ATP7B: variants seen among roughly 807,000 people sequenced by gnomAD.
The protein encoded by ATP7B is copper-transporting ATPase 2.
ATP7B carries 113 observed loss-of-function variants against 118.9 expected under a neutral mutation model. The observed-to-expected ratio is 0.95, with a 90% CI of 0.82 to 1.11. ATP7B has a LOEUF of 1.11. Ranked by LOEUF, ATP7B falls within the 50% of genes most tolerant of loss-of-function variation. ATP7B has a pLI of 0.00. For synonymous variants in ATP7B, 777 were observed against 727.4 expected, an observed-to-expected ratio of 1.07 and a Z score of -1.10; for missense variants, 1,867 against 1,871.4, an observed-to-expected ratio of 1.00 and a Z score of 0.04.
At chr13:51,943,340 T>C (rs1481752732) in intron 14 of ATP7B, among the ~76,000 whole-genome samples, 1 of 152,152 alleles carries the variant, frequency 6.6e-6, no homozygotes, top group Non-Finnish European at 1.5e-5. Flanking sequence ...AGATTCTCCC[T>C]GAAATGTCAG....
intron 2 of ATP7B, among the ~76,000 whole-genome samples, chr13:51,971,042 C>A (rs946841608): frequency 6.6e-6 from 1 of 152,204 alleles, no homozygotes; most frequent in Non-Finnish European, 1.5e-5. Flanking sequence ...CGTAACTTCA[C>A]CTTATCTTTC....
Position 51,950,416 on chromosome 13 carries a change from T to C in ATP7B, c.2448-17A>G. On this transcript the variant is annotated splice_polypyrimidine_tract_variant and intron_variant, in intron 9 of 20. Coordinates refer to ENST00000242839, the MANE Select transcript of ATP7B (RefSeq NM_000053.4). ...TGCTCCTCCCTGCAACAAACGCCAC[T>C]TATCACTCACATGGCCACTCATTCG... 1 of 1,613,632 alleles carries C rather than the reference T, an allele frequency of 6.2e-7. No individual in the cohort carries two copies. The highest frequency in any genetic ancestry group is 8.5e-7 in the Non-Finnish European group (1 of 1,180,032).
rs201925666 is a variant in ATP7B, at chr13:51,965,016, G to A, written c.1725C>T (p.Cys575=). ...ACTCTATGTTGTGGACACAGGACGC[G>A]CAGGTCATCCCTGTGATCTGCAACA... is the stretch of plus-strand genomic sequence containing the variant. The part of the protein sequence containing the change: ...NIELTITGMT[C]ASCVHNIESK... Residue 575 remains cysteine, a synonymous_variant, in exon 5 of 21, where the codon TGC becomes TGT. Coordinates refer to ENST00000242839, the MANE Select transcript of ATP7B (RefSeq NM_000053.4). 14 of 1,613,962 alleles carry A rather than the reference G, an allele frequency of 8.7e-6. No individual in the cohort carries two copies. Among genetic ancestry groups the A allele is most frequent in the South Asian group, 4.4e-5 (4 of 91,080 alleles).
intron 16 of ATP7B, among the ~76,000 whole-genome samples, chr13:51,940,816 A>G (rs1346069584): frequency 6.6e-6 from 1 of 152,084 alleles, no homozygotes; most frequent in Non-Finnish European, 1.5e-5. Context: ...CCTGGACAAG[A>G]GCAATGATGA....
intron 1 of ATP7B, among the ~76,000 whole-genome samples, chr13:52,006,410 A>G (rs1035214342): frequency 6.6e-6 from 1 of 152,204 alleles, no homozygotes; most frequent in Non-Finnish European, 1.5e-5. Context: ...TAAAACGACC[A>G]CTGGCCTCTA....
rs1190008748 is a variant in ATP7B, at chr13:52,007,136, C to G, written c.51+4151G>C. Among the ~76,000 whole-genome samples the G allele has an allele frequency of 5.3e-5, 8 of 152,104 alleles. No individual in the cohort carries two copies. In the East Asian group the frequency reaches 1.5e-3, roughly 29 times the overall value. On this transcript the variant is annotated intron_variant, in intron 1 of 20. Transcript: ENST00000242839. ...CGAGAATCCATTCATTCAAGAACAA[C>G]TGTGGTGCACCTACATGTGGGAAAT...
chr13:51,948,485 T>C (rs1957800189), intron 12 of ATP7B, among the ~76,000 whole-genome samples: 1 of 152,160 alleles, frequency 6.6e-6, no homozygotes, highest in African/African-American at 2.4e-5. Context: ...GGTAAAAACA[T>C]TGTTCCGCTC....
chr13:51,955,137 G>A (rs890401189), intron 9 of ATP7B, among the ~76,000 whole-genome samples: 2 of 152,184 alleles, frequency 1.3e-5, no homozygotes, highest in Admixed American at 6.5e-5. Flanking sequence ...GTCAAAGAGG[G>A]CAGTTATGCG....
At chr13:51,967,570 C>A (rs967483963) in intron 4 of ATP7B, among the ~76,000 whole-genome samples, 1 of 152,204 alleles carries the variant, frequency 6.6e-6, no homozygotes, top group Non-Finnish European at 1.5e-5. Context: ...GCCCTCCAGA[C>A]ACAGGGAGGC....
intron 18 of ATP7B, 27 bp downstream of exon 18, chr13:51,937,449 C>T: frequency 6.2e-7 from 1 of 1,614,150 alleles, no homozygotes; most frequent in Non-Finnish European, 8.5e-7. Context: ...CTCCCAGCAC[C>T]CACAGCCTGG....
intron 12 of ATP7B, 106 bp downstream of exon 12, chr13:51,949,556 T>G (rs1449562759): frequency 6.7e-7 from 1 of 1,503,034 alleles, no homozygotes; most frequent in African/African-American, 1.4e-5. Context: ...AAATAAAATG[T>G]AATGAATAAT....
At chr13:51,948,838 A>G (rs1242516969) in intron 12 of ATP7B, among the ~76,000 whole-genome samples, 1 of 152,184 alleles carries the variant, frequency 6.6e-6, no homozygotes, top group Non-Finnish European at 1.5e-5. Context: ...AAAAATGTAT[A>G]TTCCATTGCC....
At chr13:51,964,129 A>G (rs552509476) in intron 5 of ATP7B, among the ~76,000 whole-genome samples, 35 of 152,194 alleles carry the variant, frequency 2.3e-4, no homozygotes, top group Middle Eastern at 6.8e-3. Context: ...ACACACACAC[A>G]CACACACACA....
Position 51,934,266 on chromosome 13 carries a change from G to C in ATP7B, c.*490C>G, listed in dbSNP as rs1223801590. ...ATGTACGAAGAAAGGAACAGACTAT[G>C]CAGGAAGAAAGCAACAGGCACACCT... On this transcript the variant is annotated 3_prime_UTR_variant, in exon 21 of 21. Coordinates refer to ENST00000242839, the MANE Select transcript of ATP7B (RefSeq NM_000053.4). The C allele has an allele frequency of 4.3e-5, 11 of 255,632 alleles. No homozygotes were observed. Among genetic ancestry groups the C allele is most frequent in the Non-Finnish European group, 7.8e-6 (1 of 127,968 alleles). The allele number at this position is 255,632 out of a possible 1,614,324, so 15.8% of individuals were successfully genotyped here.
In ATP7B at chr13:51,939,095, TCAGAAC is replaced by T. The variant is rs781266802; in HGVS notation, c.3649_3654del (p.Val1217_Leu1218del). 30 of 1,614,086 alleles carry T rather than the reference TCAGAAC, an allele frequency of 1.9e-5. No homozygotes were observed. The highest frequency in any genetic ancestry group is 1.4e-5 in the Non-Finnish European group (16 of 1,180,046). On this transcript the variant is annotated inframe_deletion, in exon 17 of 21. Coordinates refer to ENST00000242839, the MANE Select transcript of ATP7B (RefSeq NM_000053.4). The stretch of plus-strand genomic sequence containing the variant: ...GCTGTCTTCCGGTTGTCCCCCGTGA[TCAGAAC>T]CACGTCCACACCCATGCTCTGCAGC...
At chr13:51,957,438 A>G (rs758299333) in intron 9 of ATP7B, 78 bp downstream of exon 9, 35 of 1,426,090 alleles carry the variant, frequency 2.5e-5, no homozygotes, top group Non-Finnish European at 3.2e-5. Context: ...TGCAATGTCA[A>G]TACAACATGG....
chr13:51,969,594 G>A (rs1424463307), intron 3 of ATP7B, among the ~76,000 whole-genome samples: 1 of 151,918 alleles, frequency 6.6e-6, no homozygotes, highest in East Asian at 1.9e-4. Flanking sequence ...GTTTTACATG[G>A]GAAAAAAAGC....
chr13:51,997,110 C>A (rs901050736), intron 1 of ATP7B, among the ~76,000 whole-genome samples: 1 of 152,206 alleles, frequency 6.6e-6, no homozygotes, highest in African/African-American at 2.4e-5. Context: ...TTCTTCAGGT[C>A]TTGCTTATCT....
rs746525895 is a variant in ATP7B, at chr13:51,934,911, T to A, written c.4243A>T (p.Arg1415Trp). 1 of 1,614,102 alleles carries A rather than the reference T, an allele frequency of 6.2e-7. No homozygotes were observed. The highest frequency in any genetic ancestry group is 8.5e-7 in the Non-Finnish European group (1 of 1,180,036). Residue 1415 changes from arginine to tryptophan, a missense_variant, in exon 21 of 21, where the codon AGG becomes TGG. Transcript: ENST00000242839. ...CTGACCTGGTCCCATGGTGTGGCCC[T>A]GGGGGAGTCCCGCCACCTGTCATCC... ...GMDDRWRDSP[R>W]ATPWDQVSYV...
Sources: gnomAD v4.1 joint callset for allele counts (sites outside exome capture counted in the v4.1 genomes callset) on GRCh38, gnomAD v4.1.1 for gene constraint, MANE v1.5 for transcripts, NCBI Gene and HGNC (gene_info 2026-07-23, HGNC 2026-07-21) for gene names.